The following CEP112 variants were observed in gnomAD, a reference collection of about 807,000 sequenced individuals.
CEP112 encodes the protein centrosomal protein of 112 kDa.
A neutral mutation model predicts 153.0 loss-of-function variants in CEP112; 127 were observed. That is an observed-to-expected ratio of 0.83 (90% CI 0.72 to 0.96). The LOEUF is 0.96. Among genes scored for constraint, CEP112 ranks in the 40% least tolerant of loss-of-function variants. CEP112 has a pLI of 0.00. For synonymous variants in CEP112, 358 were observed against 374.4 expected, an observed-to-expected ratio of 0.96 and a Z score of 0.51; for missense variants, 1,089 against 1,101.2, an observed-to-expected ratio of 0.99 and a Z score of 0.16.
At chr17:65,971,703 A>G (rs982543258) in intron 17 of CEP112, among the ~76,000 whole-genome samples, 2 of 152,232 alleles carry the variant, frequency 1.3e-5, no homozygotes, top group Non-Finnish European at 2.9e-5. Context: ...TATTACATGC[A>G]TATTACATGC....
chr17:65,848,243 C>T (rs933254671), intron 21 of CEP112, among the ~76,000 whole-genome samples: 7 of 152,188 alleles, frequency 4.6e-5, no homozygotes, highest in African/African-American at 1.7e-4. Context: ...CCCTCACTTC[C>T]ACTTCCAGAC....
intron 24 of CEP112, among the ~76,000 whole-genome samples, chr17:65,655,950 T>G (rs1181198289): frequency 1.3e-5 from 2 of 152,202 alleles, no homozygotes; most frequent in African/African-American, 2.4e-5. Context: ...TCAAGACACA[T>G]GTAGCGGAGA....
intron 18 of CEP112, among the ~76,000 whole-genome samples, chr17:65,960,357 CAAAA>C (rs949610554): frequency 6.6e-6 from 1 of 151,622 alleles, no homozygotes; most frequent in Non-Finnish European, 1.5e-5. Flanking sequence ...TTTAAAAAAA[CAAAA>C]AAACATTTAT....
intron 21 of CEP112, among the ~76,000 whole-genome samples, chr17:65,755,697 G>A (rs756443749): frequency 1.3e-4 from 20 of 151,874 alleles, no homozygotes; most frequent in East Asian, 3.9e-4. Context: ...GGAAAGAGAT[G>A]AGTCAAGGAT....
At chr17:65,704,281 T>C (rs2048795258) in intron 23 of CEP112, among the ~76,000 whole-genome samples, 1 of 152,172 alleles carries the variant, frequency 6.6e-6, no homozygotes. Context: ...TTGTGGCCTC[T>C]AGAACTGTGA....
chr17:65,944,881 A>G (rs1451524720), intron 18 of CEP112, among the ~76,000 whole-genome samples: 1 of 152,206 alleles, frequency 6.6e-6, no homozygotes, highest in Middle Eastern at 3.2e-3. Flanking sequence ...CCTGGCCAAA[A>G]CACTTTCTTA....
At chr17:66,076,561 A>G (rs1349251488) in intron 8 of CEP112, among the ~76,000 whole-genome samples, 1 of 152,134 alleles carries the variant, frequency 6.6e-6, no homozygotes, top group East Asian at 1.9e-4. Flanking sequence ...GAGCTGCCCA[A>G]GGAGAGTCTG....
intron 12 of CEP112, 145 bp downstream of exon 12, chr17:66,053,591 T>G (rs2050617807): frequency 2.9e-6 from 2 of 689,642 alleles, no homozygotes; most frequent in Admixed American, 2.9e-5. Context: ...TGGCCACACA[T>G]AAATCTGTAT....
At position 65,859,094 on chromosome 17, in the gene CEP112, T is replaced by C. The variant is rs187369904; in HGVS notation, c.2164-7060A>G. On this transcript the variant is annotated intron_variant, in intron 20 of 26. Coordinates refer to ENST00000535342, the MANE Select transcript of CEP112 (RefSeq NM_001199165.4). ...GGAAAAAACTGAATGTAATCTAAGG[T>C]TGATGTAACGTCTGAAAATAACCTA... Among the ~76,000 whole-genome samples, 425 of 152,244 alleles carry C rather than the reference T, an allele frequency of 2.8e-3. 2 individuals are homozygous for C. The highest frequency in any genetic ancestry group is 9.8e-3 in the African/African-American group (407 of 41,558).
intron 4 of CEP112, among the ~76,000 whole-genome samples, chr17:66,146,028 G>C (rs549387344): frequency 1.3e-5 from 2 of 152,018 alleles, no homozygotes; most frequent in South Asian, 2.1e-4. Flanking sequence ...TGATAATTAA[G>C]AATTTTAAAA....
chr17:66,074,115 G>T (rs897275329), intron 8 of CEP112, among the ~76,000 whole-genome samples: 2 of 151,908 alleles, frequency 1.3e-5, no homozygotes. Context: ...ATGAAAGAAC[G>T]GATAAGGGAT....
chr17:66,178,770 G>A (rs1327563335), intron 2 of CEP112, among the ~76,000 whole-genome samples: 3 of 151,866 alleles, frequency 2.0e-5, no homozygotes, highest in East Asian at 3.9e-4. Flanking sequence ...TTCTGTATAC[G>A]GATATTGAAA....
intron 23 of CEP112, among the ~76,000 whole-genome samples, chr17:65,700,100 T>C (rs1219135372): frequency 6.6e-6 from 1 of 151,144 alleles, no homozygotes; most frequent in African/African-American, 2.4e-5. Context: ...CCTCCTCCTC[T>C]TCCTCCTCCT....
intron 21 of CEP112, among the ~76,000 whole-genome samples, chr17:65,768,427 T>C (rs2053131752): frequency 6.6e-6 from 1 of 152,032 alleles, no homozygotes; most frequent in Non-Finnish European, 1.5e-5. Flanking sequence ...TTCAAACCTG[T>C]GTCGTTCAAG....
intron 8 of CEP112, among the ~76,000 whole-genome samples, chr17:66,090,170 A>C (rs904985618): frequency 2.0e-5 from 3 of 152,110 alleles, no homozygotes; most frequent in Non-Finnish European, 2.9e-5. Flanking sequence ...CTTGTCTTAC[A>C]AAAATGCTCA....
At chr17:66,077,453 G>A (rs1171911697) in intron 8 of CEP112, among the ~76,000 whole-genome samples, 1 of 152,072 alleles carries the variant, frequency 6.6e-6, no homozygotes, top group Admixed American at 6.6e-5. Flanking sequence ...ACAAAAAGAA[G>A]AAAGAAACTC....
intron 23 of CEP112, among the ~76,000 whole-genome samples, chr17:65,703,992 G>A (rs1451688348): frequency 9.2e-5 from 14 of 152,028 alleles, no homozygotes; most frequent in South Asian, 2.1e-4. Flanking sequence ...ACCTCAGAAC[G>A]TGGCCTTATT....
At chr17:65,867,305 G>C (rs937474564) in intron 20 of CEP112, among the ~76,000 whole-genome samples, 5 of 152,284 alleles carry the variant, frequency 3.3e-5, no homozygotes, top group Non-Finnish European at 5.9e-5. Context: ...GTGGGATCCA[G>C]GCAGGTAATG....
chr17:65,687,416 T>C (rs1320727105), intron 24 of CEP112, among the ~76,000 whole-genome samples: 1 of 152,150 alleles, frequency 6.6e-6, no homozygotes, highest in Non-Finnish European at 1.5e-5. Flanking sequence ...TCCGCCCACC[T>C]TGGCCTCCCT....
Sources: gnomAD v4.1 joint callset for allele counts (sites outside exome capture counted in the v4.1 genomes callset) on GRCh38, gnomAD v4.1.1 for gene constraint, MANE v1.5 for transcripts, NCBI Gene and HGNC (gene_info 2026-07-23, HGNC 2026-07-21) for gene names.